The following SLIT2 variants were observed in gnomAD, a reference collection of about 807,000 sequenced individuals.
SLIT2 encodes the protein slit guidance ligand 2.
In SLIT2, 41 loss-of-function variants were observed where a neutral mutation model predicts 185.7. The ratio of observed to expected loss-of-function variants is 0.22; its 90% CI spans 0.17 to 0.29. SLIT2 has a LOEUF of 0.29. Among genes scored for constraint, SLIT2 ranks in the 10% least tolerant of loss-of-function variants. SLIT2 has a pLI of 1.00. For missense variants in SLIT2, 1,571 were observed against 1,909.0 expected (o/e 0.82, Z 3.30); for synonymous variants, 693 against 680.2 (o/e 1.02, Z -0.29).
At chr4:20,617,705 T>C (rs1204589497) in intron 36 of SLIT2, 55 bp downstream of exon 36, 1 of 1,178,946 alleles carries the variant, frequency 8.5e-7, no homozygotes, top group African/African-American at 1.6e-5. Flanking sequence ...AGGGGTCCCA[T>C]GTCTTTGAAA....
chr4:20,509,682 A>AT (rs979225501), intron 9 of SLIT2, among the ~76,000 whole-genome samples: 2 of 152,138 alleles, frequency 1.3e-5, no homozygotes, highest in Non-Finnish European at 1.5e-5. Flanking sequence ...GAGAAGCAAC[A>AT]TTTTTTTGAT....
intron 4 of SLIT2, among the ~76,000 whole-genome samples, chr4:20,323,867 T>C (rs1719314000): frequency 6.6e-6 from 1 of 152,196 alleles, no homozygotes; most frequent in Admixed American, 6.5e-5. Context: ...ATATTGCATA[T>C]AGAATGTGTT....
intron 30 of SLIT2, among the ~76,000 whole-genome samples, chr4:20,592,649 T>G (rs1727601631): frequency 6.6e-6 from 1 of 152,168 alleles, no homozygotes; most frequent in Non-Finnish European, 1.5e-5. Context: ...GATTTCTTTT[T>G]TCAGATAAAT....
At chr4:20,593,475 G>A (rs1727676843) in intron 30 of SLIT2, among the ~76,000 whole-genome samples, 1 of 152,094 alleles carries the variant, frequency 6.6e-6, no homozygotes, top group African/African-American at 2.4e-5. Flanking sequence ...AGGAATTGGG[G>A]TGGGGAAAAT....
intron 4 of SLIT2, among the ~76,000 whole-genome samples, chr4:20,289,109 C>T (rs1715560984): frequency 6.6e-6 from 1 of 152,170 alleles, no homozygotes; most frequent in Admixed American, 6.5e-5. Context: ...GGTGCTGATG[C>T]ATGTGGGGAA....
At chr4:20,311,093 T>C (rs1718063746) in intron 4 of SLIT2, among the ~76,000 whole-genome samples, 1 of 152,256 alleles carries the variant, frequency 6.6e-6, no homozygotes, top group Admixed American at 6.5e-5. Flanking sequence ...CTTACTATTT[T>C]GCCCAAGCTG....
rs146274694 is a variant in SLIT2 at position 20,290,709 on chromosome 4, G to A, written c.395+21828G>A. 2.8e-3 allele frequency among the ~76,000 whole-genome samples: 424 copies of A among 149,642 alleles called. 1 individual carries two copies. The highest frequency in any genetic ancestry group is 1.0e-2 in the African/African-American group (407 of 40,814). ...TATGGTGGTTGCTTGGTAAATATGC[G>A]TTGAATAAATGCTAAAAAATACTGT... On this transcript the variant is annotated intron_variant, in intron 4 of 36. Transcript: ENST00000504154.
chr4:20,314,675 A>G (rs1718411175), intron 4 of SLIT2, among the ~76,000 whole-genome samples: 1 of 152,170 alleles, frequency 6.6e-6, no homozygotes, highest in African/African-American at 2.4e-5. Context: ...GACAGGATAA[A>G]AGTTAGTTGT....
chr4:20,412,335 A>C (rs1037977109), intron 4 of SLIT2, among the ~76,000 whole-genome samples: 2 of 152,228 alleles, frequency 1.3e-5, no homozygotes, highest in African/African-American at 4.8e-5. Context: ...AATATTTGCT[A>C]TATGATTGAT....
At chr4:20,407,719 G>A (rs1726886898) in intron 4 of SLIT2, among the ~76,000 whole-genome samples, 1 of 152,182 alleles carries the variant, frequency 6.6e-6, no homozygotes. Flanking sequence ...CTAAATGGAA[G>A]TGATTTCAGC....
Position 20,619,799 on chromosome 4 carries a change from A to C in SLIT2, c.*790A>C, listed in dbSNP as rs1382702309. On this transcript the variant is annotated 3_prime_UTR_variant, in exon 37 of 37. Coordinates refer to ENST00000504154, the MANE Select transcript of SLIT2 (RefSeq NM_004787.4). ...AGAAATATTTATTGTATCAAAGTAC[A>C]TTGTACTTAACATTTTAGGCCATCC... is the stretch of plus-strand genomic sequence containing the variant. 1.6e-4 allele frequency: 24 copies of C among 152,156 alleles called. No homozygotes were observed. Among genetic ancestry groups the C allele is most frequent in the Non-Finnish European group, 1.0e-4 (7 of 68,052 alleles). The allele number at this position is 152,156 out of a possible 1,614,324, so 9.4% of individuals were successfully genotyped here.
chr4:20,568,441 A>G (rs1036045525), intron 28 of SLIT2, among the ~76,000 whole-genome samples: 6 of 151,988 alleles, frequency 3.9e-5, no homozygotes, highest in African/African-American at 1.4e-4. Flanking sequence ...AGGACATTAT[A>G]AGTATGTTAG....
At chr4:20,352,806 G>A (rs566585057) in intron 4 of SLIT2, among the ~76,000 whole-genome samples, 8 of 152,210 alleles carry the variant, frequency 5.3e-5, no homozygotes, top group South Asian at 2.1e-4. Flanking sequence ...CCAGCTACTC[G>A]GGAGGCTGAG....
At chr4:20,292,313 G>A (rs377266516) in intron 4 of SLIT2, among the ~76,000 whole-genome samples, 5 of 152,234 alleles carry the variant, frequency 3.3e-5, no homozygotes, top group East Asian at 1.9e-4. Flanking sequence ...TTTACTCAAC[G>A]TGTGACTATT....
chr4:20,616,848 G>A, intron 34 of SLIT2, 62 bp from the exon 35 acceptor site: 1 of 1,517,214 alleles, frequency 6.6e-7, no homozygotes, highest in Non-Finnish European at 8.9e-7. Context: ...CAGTATTTCT[G>A]AGTAGCAAAT....
intron 4 of SLIT2, among the ~76,000 whole-genome samples, chr4:20,381,927 A>ATGTATTTATGCATAAATACAAAAC (rs1553890530): frequency 2.9e-4 from 44 of 152,080 alleles, no homozygotes; most frequent in African/African-American, 1.0e-3. Context: ...ATAAATACAT[A>ATGTATTTATGCATAAATACAAAAC]TGTATTTATG....
chr4:20,527,484 C>A (rs1348057861), intron 15 of SLIT2, among the ~76,000 whole-genome samples: 1 of 152,124 alleles, frequency 6.6e-6, no homozygotes, highest in Admixed American at 6.5e-5. Context: ...GATGGGTTTT[C>A]ACCCGTCAGG....
rs916802235 is a variant in SLIT2 at position 20,598,312 on chromosome 4, A to G, written c.3609A>G (p.Lys1203=). The change falls in exon 33 of 37, where the codon AAA becomes AAG. Residue 1203 remains lysine (K), a synonymous_variant. Coordinates refer to ENST00000504154, the MANE Select transcript of SLIT2 (RefSeq NM_004787.4). ...GAATCCTCCTGTATAAGGGTGACAAAGACCATATCGCGGTAGAACTCTATC... is the reference window on the plus strand; with the variant it reads ...GAATCCTCCTGTATAAGGGTGACAAGGACCATATCGCGGTAGAACTCTATC... ...DSGILLYKGD[K]DHIAVELYRG... is the part of the protein sequence containing the mutation. The G allele has an allele frequency of 7.4e-6, 12 of 1,614,106 alleles. No individual in the cohort carries two copies. The highest frequency in any genetic ancestry group is 1.0e-5 in the Non-Finnish European group (12 of 1,179,984).
intron 29 of SLIT2, chr4:20,573,404 T>C: frequency 1.5e-6 from 1 of 666,258 alleles, no homozygotes; most frequent in Non-Finnish European, 2.7e-6. Context: ...AATCAGTCAT[T>C]CAGATGTTTA....
Sources: allele counts gnomAD v4.1 joint callset (sites outside exome capture counted in the v4.1 genomes callset), GRCh38; gene constraint gnomAD v4.1.1; transcripts MANE v1.5; gene names NCBI Gene and HGNC (gene_info 2026-07-23, HGNC 2026-07-21).